Variants in VAV2 observed in about 807,000 individuals in gnomAD.
VAV2 encodes guanine nucleotide exchange factor VAV2.
A neutral mutation model predicts 132.5 loss-of-function variants in VAV2; 67 were observed. The observed-to-expected ratio is 0.51, with a 90% CI of 0.42 to 0.62. The LOEUF (loss-of-function observed/expected upper bound fraction) is 0.62, where lower values mean the gene tolerates loss of function less well. Among genes scored for constraint, VAV2 ranks in the 20% least tolerant of loss-of-function variants. VAV2 has a pLI of 0.00. For missense variants in VAV2, 938 were observed against 1,153.6 expected (o/e 0.81, Z 2.71); for synonymous variants, 492 against 443.5 (o/e 1.11, Z -1.37).
rs1034663729 is a variant in VAV2, at chr9:133,779,850, C to T, written c.1762+68G>A. 5.1e-6 allele frequency: 8 copies of T among 1,580,548 alleles called. No individual in the cohort carries two copies. The East Asian group carries it at 1.6e-4, about 31-fold the overall frequency. On this transcript the variant is annotated intron_variant, in intron 21 of 29. Coordinates refer to ENST00000371850, the MANE Select transcript of VAV2 (RefSeq NM_001134398.2). ...AGACCTGGCCATCACCACACCTAGG[C>T]CCTGGCTCAGCTCCCAGGTGATGGC...
chr9:133,890,295 G>C (rs1838880310), intron 2 of VAV2, among the ~76,000 whole-genome samples: 1 of 152,222 alleles, frequency 6.6e-6, no homozygotes, highest in Non-Finnish European at 1.5e-5. Context: ...GAGCCTTGCT[G>C]CCTGTCACAG....
rs1588310324 is a variant in VAV2, at chr9:133,883,424, C to T, written c.322-21992G>A. On this transcript the variant is annotated intron_variant, in intron 2 of 29. Coordinates refer to ENST00000371850, the MANE Select transcript of VAV2 (RefSeq NM_001134398.2). This position sits in a 1 kb window ranked among gnomAD's most constrained non-coding sequence, Gnocchi z 4.2. The stretch of plus-strand genomic sequence containing the variant: ...TCAGGGCCAGGGAGAGGAACAGAGC[C>T]GAGTCAGCTGCTGACCTGCTGCAGC... Among the ~76,000 whole-genome samples, 1 of 152,106 alleles carries T rather than the reference C, an allele frequency of 6.6e-6. No individual in the cohort carries two copies. The highest frequency in any genetic ancestry group is 1.5e-5 in the Non-Finnish European group (1 of 68,024).
At chr9:133,825,452 G>T (rs553706766) in intron 4 of VAV2, among the ~76,000 whole-genome samples, 5 of 152,244 alleles carry the variant, frequency 3.3e-5, no homozygotes, top group African/African-American at 1.2e-4. Flanking sequence ...CTTGTTTCTC[G>T]TGGGGCCGTT....
chr9:133,924,024 G>C (rs967896764), intron 2 of VAV2, among the ~76,000 whole-genome samples: 9 of 151,938 alleles, frequency 5.9e-5, no homozygotes, highest in African/African-American at 2.2e-4. Flanking sequence ...AGAGCATTAG[G>C]AGAAATATCT....
chr9:133,877,529 T>A (rs868339093), intron 2 of VAV2, among the ~76,000 whole-genome samples: 1 of 152,158 alleles, frequency 6.6e-6, no homozygotes, highest in Non-Finnish European at 1.5e-5. Context: ...ACTATGCCCC[T>A]TGTCAAATGA....
intron 2 of VAV2, among the ~76,000 whole-genome samples, chr9:133,897,152 G>A (rs914479092): frequency 3.3e-5 from 5 of 152,186 alleles, no homozygotes; most frequent in South Asian, 4.1e-4. Context: ...ACTAGGAAGC[G>A]ACTCGGGAGC....
intron 2 of VAV2, among the ~76,000 whole-genome samples, chr9:133,903,034 C>T (rs141469492): frequency 5.4e-4 from 81 of 149,400 alleles, no homozygotes; most frequent in African/African-American, 2.0e-3. Flanking sequence ...AAGATCAGGC[C>T]ACTGCACTCC....
chr9:133,860,913 G>T lies in VAV2; in HGVS notation c.380+461C>A, dbSNP rs141165227. On this transcript the variant is annotated intron_variant, in intron 3 of 29. Coordinates refer to ENST00000371850, the MANE Select transcript of VAV2 (RefSeq NM_001134398.2). ...ATTTTGCAGTCCAAGCAGAATAAACGGAGAGTGGAGAAATTCCTTGGCTTG... is the reference window on the plus strand; with the variant it reads ...ATTTTGCAGTCCAAGCAGAATAAACTGAGAGTGGAGAAATTCCTTGGCTTG... 7.0e-3 allele frequency among the ~76,000 whole-genome samples: 1,060 copies of T among 152,212 alleles called. 10 individuals carry two copies. Among genetic ancestry groups the T allele is most frequent in the African/African-American group, 0.024 (999 of 41,536 alleles).
At chr9:133,846,378 C>T (rs768799255) in intron 3 of VAV2, among the ~76,000 whole-genome samples, 75 of 152,350 alleles carry the variant, frequency 4.9e-4, no homozygotes, top group Non-Finnish European at 1.0e-3. Flanking sequence ...CACAACCCTC[C>T]GCCACTCCCA....
intron 3 of VAV2, among the ~76,000 whole-genome samples, chr9:133,848,168 T>TACTCGGG (rs1837014306): frequency 6.7e-6 from 1 of 150,264 alleles, no homozygotes; most frequent in Non-Finnish European, 1.5e-5. Context: ...TAGTTCCAGC[T>TACTCGGG]ACTCGGGAGG....
chr9:133,895,453 A>G (rs542818702), intron 2 of VAV2, among the ~76,000 whole-genome samples: 1 of 152,266 alleles, frequency 6.6e-6, no homozygotes, highest in Non-Finnish European at 1.5e-5. Flanking sequence ...GGGCAAACAA[A>G]TTGCGGTGGA....
intron 2 of VAV2, among the ~76,000 whole-genome samples, chr9:133,938,277 C>T (rs899723311): frequency 2.6e-5 from 4 of 152,208 alleles, no homozygotes; most frequent in East Asian, 1.9e-4. Context: ...GGGGCCTCCT[C>T]GGCCACCGTC....
chr9:133,923,900 C>T (rs1177263622), intron 2 of VAV2, among the ~76,000 whole-genome samples: 1 of 151,958 alleles, frequency 6.6e-6, no homozygotes, highest in Non-Finnish European at 1.5e-5. Context: ...GACAGAAAAC[C>T]AAACACTGCA....
In VAV2 at chr9:133,939,163, T is replaced by A; in HGVS notation, c.261A>T (p.Gly87=). ...TFLKVCHDKF[G]LRNSELFDPF... ...GGTCAAACAGCTCGCTGTTCCTTAA[T>A]CCAAATTTATCGTGGCAGACTTTCA... The change falls in exon 2 of 30, where the codon GGA becomes GGT. Residue 87 remains glycine, a synonymous_variant. Coordinates refer to ENST00000371850, the MANE Select transcript of VAV2 (RefSeq NM_001134398.2). 1 of 1,614,154 alleles carries A rather than the reference T, an allele frequency of 6.2e-7. No individual in the cohort carries two copies. Among genetic ancestry groups the A allele is most frequent in the Admixed American group, 1.7e-5 (1 of 60,022 alleles).
chr9:133,805,950 A>G lies in VAV2; in HGVS notation c.836+131T>C, dbSNP rs1588201248. On this transcript the variant is annotated intron_variant, in intron 9 of 29. Transcript: ENST00000371850. ...TGGGTGGCATCCTCAACAAGGGAGG[A>G]CGGGGTCCAGAGGGGGCGGCCCCTG... 3 of 957,880 alleles carry G rather than the reference A, an allele frequency of 3.1e-6. No individual in the cohort carries two copies. In the East Asian group the frequency reaches 7.9e-5, roughly 25 times the overall value. The allele number at this position is 957,880 out of a possible 1,614,324, so 59.3% of individuals were successfully genotyped here.
At chr9:133,809,745 G>C (rs755675703) in intron 6 of VAV2, among the ~76,000 whole-genome samples, 1 of 152,224 alleles carries the variant, frequency 6.6e-6, no homozygotes, top group Non-Finnish European at 1.5e-5. Flanking sequence ...GAATGTGGCC[G>C]GGACAGGATT....
At chr9:133,931,106 A>C (rs1840672063) in intron 2 of VAV2, among the ~76,000 whole-genome samples, 1 of 152,206 alleles carries the variant, frequency 6.6e-6, no homozygotes, top group Non-Finnish European at 1.5e-5. Flanking sequence ...GGGGCCAGGC[A>C]GGGTGGCCTG....
intron 3 of VAV2, among the ~76,000 whole-genome samples, chr9:133,854,445 G>A (rs1375881218): frequency 5.9e-5 from 9 of 152,372 alleles, no homozygotes; most frequent in African/African-American, 1.2e-4. Context: ...GCAGTGGTGC[G>A]AATGAGGCAG....
rs200716175 is a variant in VAV2 at position 133,884,675 on chromosome 9, AC to A, written c.322-23244del. On this transcript the variant is annotated intron_variant, in intron 2 of 29. Transcript: ENST00000371850. This position sits in a 1 kb window ranked among gnomAD's most constrained non-coding sequence, Gnocchi z 5.3. ...AATAAGAAGCTTGCTAAAAAGAAAA[AC>A]AAAAAAAAACACCTCTGGCTTTAAA... 3.3e-5 allele frequency among the ~76,000 whole-genome samples: 5 copies of A among 152,088 alleles called. No individual in the cohort carries two copies. The highest frequency in any genetic ancestry group is 9.7e-5 in the African/African-American group (4 of 41,356).
Sources: allele counts gnomAD v4.1 joint callset (sites outside exome capture counted in the v4.1 genomes callset), GRCh38; gene constraint gnomAD v4.1.1; non-coding constraint Gnocchi (gnomAD v3.1); transcripts MANE v1.5; gene names NCBI Gene and HGNC (gene_info 2026-07-23, HGNC 2026-07-21).